Variants in EVC observed in about 807,000 individuals in gnomAD.
EVC encodes evC complex member EVC.
In EVC, 116 loss-of-function variants were observed where a neutral mutation model predicts 118.9. The observed-to-expected ratio is 0.98, with a 90% CI of 0.84 to 1.14. EVC has a LOEUF of 1.14. Among genes scored for constraint, EVC ranks in the 50% most tolerant of loss-of-function variants. The pLI, the probability that EVC is intolerant of heterozygous loss-of-function variation, is 0.00. For missense variants in EVC, 1,401 were observed against 1,246.4 expected, an observed-to-expected ratio of 1.12 and a Z score of -1.87; for synonymous variants, 619 against 534.7, an observed-to-expected ratio of 1.16 and a Z score of -2.18.
Position 5,813,908 on chromosome 4 carries a change from C to T in EVC, c.*2871C>T, listed in dbSNP as rs3733189. 0.12 allele frequency: 17,938 copies of T among 152,266 alleles called. 1,239 individuals carry two copies. The highest frequency in any genetic ancestry group is 0.15 in the Non-Finnish European group (10,532 of 68,026). 9.4% of individuals were successfully genotyped at this position (152,266 alleles called of 1,614,324 possible). On this transcript the variant is annotated 3_prime_UTR_variant, in exon 21 of 21. Transcript: ENST00000264956. The stretch of plus-strand genomic sequence containing the variant: ...CGCGTGGGCTGTCGGTGCTTTCATC[C>T]GTCACAAACTGGCACCTGTACCTGC...
In EVC at chr4:5,811,021, G is replaced by T; in HGVS notation, c.2963G>T (p.Arg988Ile). ...GGGAACTCAAAGAAGATGCTAAAGA[G>T]AAGAAGCAACTTGTAGTTTAAGACC... ...DSGNSKKMLKRRSNL is the reference protein window; with the variant it reads ...DSGNSKKMLKIRSNL Residue 988 changes from arginine to isoleucine, a missense_variant, in exon 21 of 21, where the codon AGA becomes ATA. Coordinates refer to ENST00000264956, the MANE Select transcript of EVC (RefSeq NM_153717.3). The T allele has an allele frequency of 2.5e-6, 4 of 1,612,186 alleles. No individual in the cohort carries two copies. The highest frequency in any genetic ancestry group is 3.4e-6 in the Non-Finnish European group (4 of 1,179,036).
the EVC span, chr4:5,825,121 C>G: frequency 1.0e-6 from 1 of 985,432 alleles, no homozygotes. This position sits in a 1 kb window ranked among gnomAD's most constrained non-coding sequence, Gnocchi z 4.4. Context: ...ACACAGAGCA[C>G]ATGCCCTGCA....
chr4:5,796,281 G>A (rs1713946980), intron 13 of EVC, among the ~76,000 whole-genome samples: 2 of 151,968 alleles, frequency 1.3e-5, no homozygotes, highest in South Asian at 4.2e-4. Flanking sequence ...TCGTGGGCAT[G>A]TTTCTATTGT....
At chr4:5,728,119 G>C (rs1726167660) in intron 2 of EVC, among the ~76,000 whole-genome samples, 1 of 152,130 alleles carries the variant, frequency 6.6e-6, no homozygotes, top group South Asian at 2.1e-4. Flanking sequence ...GAAAGTCATT[G>C]GCTGCTTGTT....
chr4:5,794,347 A>ATATATTTATATATT (rs1560420176), intron 13 of EVC, among the ~76,000 whole-genome samples: 15 of 130,682 alleles, frequency 1.1e-4, no homozygotes, highest in African/African-American at 4.6e-4. Flanking sequence ...ATATACTTAT[A>ATATATTTATATATT]TATATATTTA....
At chr4:5,726,307 C>T (rs902948981) in intron 2 of EVC, among the ~76,000 whole-genome samples, 1 of 152,218 alleles carries the variant, frequency 6.6e-6, no homozygotes, top group African/African-American at 2.4e-5. Flanking sequence ...AGGCTTTGGG[C>T]TTGCCTGTCT....
At chr4:5,825,770 G>C in the EVC span, 1 of 1,043,202 alleles carries the variant, frequency 9.6e-7, no homozygotes, top group Non-Finnish European at 1.4e-6. The surrounding 1 kb of genome is among the most constrained non-coding windows in gnomAD (Gnocchi z 4.4). Flanking sequence ...CACTTCAAAT[G>C]TGCATGCACA....
rs1200591084 is a variant in EVC at position 5,789,101 on chromosome 4, C to T, written c.1777-4507C>T. On this transcript the variant is annotated intron_variant, in intron 12 of 20. Coordinates refer to ENST00000264956, the MANE Select transcript of EVC (RefSeq NM_153717.3). This position sits in a 1 kb window ranked among gnomAD's most constrained non-coding sequence, Gnocchi z 4.3. ...CACTTTAATTGGCAGTGACTTTTCT[C>T]TGTTAGTGATACTGGAAATAATTGG... Among the ~76,000 whole-genome samples, 1 of 152,174 alleles carries T rather than the reference C, an allele frequency of 6.6e-6. No individual in the cohort carries two copies. The highest frequency in any genetic ancestry group is 2.4e-5 in the African/African-American group (1 of 41,428).
At chr4:5,827,972 T>C in the EVC span, 1 of 924,570 alleles carries the variant, frequency 1.1e-6, no homozygotes, top group Non-Finnish European at 1.3e-6. Flanking sequence ...TCAAGGAAAA[T>C]AAGGAACGAC....
downstream of EVC, among the ~76,000 whole-genome samples, chr4:5,816,150 A>G (rs1258120726): frequency 3.3e-5 from 5 of 152,060 alleles, no homozygotes; most frequent in Admixed American, 2.0e-4. Context: ...TTTTTTCCCC[A>G]CTGGGCTCCC....
the EVC span, chr4:5,824,999 C>T: frequency 1.0e-6 from 1 of 985,238 alleles, no homozygotes; most frequent in Non-Finnish European, 1.2e-6. Context: ...CTTCCGTTTC[C>T]TCTTTAAATA....
intron 11 of EVC, among the ~76,000 whole-genome samples, chr4:5,772,666 C>T (rs769734050): frequency 3.9e-5 from 6 of 152,090 alleles, no homozygotes; most frequent in Non-Finnish European, 8.8e-5. Flanking sequence ...GACGCTTCCA[C>T]CCAAGCTGGC....
intron 11 of EVC, among the ~76,000 whole-genome samples, chr4:5,764,727 T>A (rs1381465837): frequency 1.4e-5 from 2 of 145,530 alleles, no homozygotes; most frequent in Non-Finnish European, 3.0e-5. Context: ...TAGTTTGTAT[T>A]TCTGTGGGAT....
chr4:5,784,605 GA>G (rs1736139295), intron 12 of EVC, among the ~76,000 whole-genome samples: 2 of 122,562 alleles, frequency 1.6e-5, no homozygotes, highest in African/African-American at 3.0e-5. Flanking sequence ...AATACACATT[GA>G]TTTTTTTTTT....
rs4689313 is a variant in EVC, at chr4:5,745,189, C to T, written c.802-15C>T. The T allele has an allele frequency of 0.62, 943,444 of 1,518,254 alleles. 280,839 individuals carry two copies. The highest frequency in any genetic ancestry group is 0.64 in the Non-Finnish European group (720,004 of 1,116,568). 94.0% of individuals were successfully genotyped at this position (1,518,254 alleles called of 1,614,324 possible). A position where few individuals can be genotyped will look rare whatever the true frequency, so the allele number is the denominator to read the frequency against. The stretch of plus-strand genomic sequence containing the variant: ...TCTTTGTTTATTTGCTTTCTTTTTT[C>T]TTCTTCTTCTTCAGGATTTGGAGGA... On this transcript the variant is annotated splice_polypyrimidine_tract_variant and intron_variant, in intron 6 of 20. Coordinates refer to ENST00000264956, the MANE Select transcript of EVC (RefSeq NM_153717.3).
chr4:5,797,091 C>T lies in EVC; in HGVS notation c.1956C>T (p.Arg652=), dbSNP rs535012160. 39 of 1,613,390 alleles carry T rather than the reference C, an allele frequency of 2.4e-5. No homozygotes were observed. In the South Asian group the frequency reaches 2.9e-4, roughly 12 times the overall value. ...CAGCCCTCCGGAGGCTGGCACTCCG[C>T]GGCAACGCCCTGGCCACCCTGACGC... ...LRSALRRLAL[R]GNALATLTQM... The change falls in exon 14 of 21, where the codon CGC becomes CGT. Residue 652 remains arginine, a synonymous_variant. Coordinates refer to ENST00000264956, the MANE Select transcript of EVC (RefSeq NM_153717.3).
At chr4:5,760,955 G>A (rs966333987) in intron 11 of EVC, among the ~76,000 whole-genome samples, 3 of 152,162 alleles carry the variant, frequency 2.0e-5, no homozygotes, top group African/African-American at 7.2e-5. Flanking sequence ...CAGGTCGCCT[G>A]GCATATTTTA....
rs63386460 is a variant in EVC at position 5,756,206 on chromosome 4, A to G, written c.1465-58A>G. 188 of 246,928 alleles carry G rather than the reference A, an allele frequency of 7.6e-4. No homozygotes were observed. The highest frequency in any genetic ancestry group is 2.5e-3 in the East Asian group (19 of 7,644). The allele number at this position is 246,928 out of a possible 1,614,324, so 15.3% of individuals were successfully genotyped here. A position where few individuals can be genotyped will look rare whatever the true frequency, so the allele number is the denominator to read the frequency against. ...AGGGGATGGTTGGAGAACCTTCTGG[A>G]AAAAAAAAAAAAAACCCTGCATGTT... On this transcript the variant is annotated intron_variant, in intron 10 of 20. Coordinates refer to ENST00000264956, the MANE Select transcript of EVC (RefSeq NM_153717.3). The surrounding 1 kb of genome is among the most constrained non-coding windows in gnomAD (Gnocchi z 4.2).
Position 5,811,544 on chromosome 4 carries a change from T to A in EVC, c.*507T>A, listed in dbSNP as rs1049065769. The A allele has an allele frequency of 3.1e-5, 6 of 191,266 alleles. No individual in the cohort carries two copies. Among genetic ancestry groups the A allele is most frequent in the African/African-American group, 1.4e-4 (6 of 42,062 alleles). The allele number at this position is 191,266 out of a possible 1,614,324, so 11.8% of individuals were successfully genotyped here. On this transcript the variant is annotated 3_prime_UTR_variant, in exon 21 of 21. Coordinates refer to ENST00000264956, the MANE Select transcript of EVC (RefSeq NM_153717.3). ...GGCTTCTTCCGGACAGTAGACACCC[T>A]GCCCGTGCAGAGAGATGTCATGGGG...
Sources: allele counts gnomAD v4.1 joint callset (sites outside exome capture counted in the v4.1 genomes callset), GRCh38; gene constraint gnomAD v4.1.1; non-coding constraint Gnocchi (gnomAD v3.1); transcripts MANE v1.5; gene names NCBI Gene and HGNC (gene_info 2026-07-23, HGNC 2026-07-21).